Variants in ATAD2 observed in about 807,000 individuals in gnomAD.
ATAD2 encodes ATPase family AAA domain-containing protein 2.
ATAD2 carries 62 observed loss-of-function variants against 168.9 expected under a neutral mutation model. That is an observed-to-expected ratio of 0.37 (90% CI 0.30 to 0.45). The LOEUF (loss-of-function observed/expected upper bound fraction) is 0.45. Ranked by LOEUF, ATAD2 falls within the 20% of genes least tolerant of loss-of-function variation. The pLI is 1.00. For synonymous variants in ATAD2, 613 were observed against 571.6 expected, an observed-to-expected ratio of 1.07 and a Z score of -1.03; for missense variants, 1,419 against 1,667.8, an observed-to-expected ratio of 0.85 and a Z score of 2.60.
At chr8:123,377,400 C>T (rs182668755) in intron 2 of ATAD2, among the ~76,000 whole-genome samples, 9 of 152,172 alleles carry the variant, frequency 5.9e-5, no homozygotes, top group African/African-American at 2.2e-4. Context: ...TCCCTTAAGA[C>T]CTTTCTAACA....
At chr8:123,383,773 CAA>C (rs766321394) in intron 1 of ATAD2, among the ~76,000 whole-genome samples, 2 of 130,898 alleles carry the variant, frequency 1.5e-5, no homozygotes, top group Non-Finnish European at 1.6e-5. Flanking sequence ...AATTCAGTCT[CAA>C]AAAAAAAAAA....
intron 24 of ATAD2, among the ~76,000 whole-genome samples, chr8:123,329,341 A>AACT (rs1461393080): frequency 1.3e-5 from 2 of 152,010 alleles, no homozygotes; most frequent in African/African-American, 4.8e-5. Context: ...TACAACCCCA[A>AACT]ACTCCTGGGC....
chr8:123,384,596 G>A (rs28676769), intron 1 of ATAD2, among the ~76,000 whole-genome samples: 88 of 152,310 alleles, frequency 5.8e-4, no homozygotes, highest in African/African-American at 2.1e-3. Context: ...GAAAGCAAGA[G>A]TATGTAATAA....
intron 2 of ATAD2, among the ~76,000 whole-genome samples, chr8:123,379,976 T>TC (rs1283929258): frequency 6.6e-6 from 1 of 150,678 alleles, no homozygotes; most frequent in Non-Finnish European, 1.5e-5. Flanking sequence ...AACCTCCACC[T>TC]CCTGGGTTCA....
chr8:123,321,743 A>G (rs936468577), intron 27 of ATAD2, among the ~76,000 whole-genome samples: 2 of 151,866 alleles, frequency 1.3e-5, no homozygotes, highest in African/African-American at 4.8e-5. Context: ...GGACCATCCT[A>G]GGCAACATAG....
chr8:123,321,313 G>C (rs1177210713), intron 27 of ATAD2, 138 bp from the exon 28 acceptor site: 2 of 743,250 alleles, frequency 2.7e-6, no homozygotes, highest in Non-Finnish European at 4.2e-6. Context: ...TAAACATTCA[G>C]TTCAGTATTT....
chr8:123,337,966 C>T, intron 20 of ATAD2, 145 bp from the exon 21 acceptor site: 1 of 782,378 alleles, frequency 1.3e-6, no homozygotes, highest in Admixed American at 3.2e-5. Flanking sequence ...AAAAGTATTA[C>T]CATAATCTCT....
chr8:123,367,592 A>C (rs915857930), intron 8 of ATAD2, among the ~76,000 whole-genome samples: 1 of 152,118 alleles, frequency 6.6e-6, no homozygotes, highest in Non-Finnish European at 1.5e-5. Context: ...CCTTTTCTGA[A>C]GATCATTACA....
At chr8:123,362,948 T>C (rs1401808814) in intron 8 of ATAD2, among the ~76,000 whole-genome samples, 1 of 152,168 alleles carries the variant, frequency 6.6e-6, no homozygotes, top group African/African-American at 2.4e-5. Flanking sequence ...ATCAAATACT[T>C]AGGCTGGTTG....
intron 1 of ATAD2, among the ~76,000 whole-genome samples, chr8:123,405,361 A>T (rs953378606): frequency 6.7e-6 from 1 of 149,802 alleles, no homozygotes; most frequent in Non-Finnish European, 1.5e-5. Flanking sequence ...GGCTCAAGTG[A>T]TTCTTCTGCC....
chr8:123,330,465 C>T (rs1317839545), intron 24 of ATAD2, among the ~76,000 whole-genome samples: 1 of 152,072 alleles, frequency 6.6e-6, no homozygotes, highest in Non-Finnish European at 1.5e-5. Context: ...CCTGGTCTCA[C>T]GCCATTCTCC....
At chr8:123,337,401 G>C (rs1396890322) in intron 21 of ATAD2, among the ~76,000 whole-genome samples, 1 of 152,034 alleles carries the variant, frequency 6.6e-6, no homozygotes, top group Non-Finnish European at 1.5e-5. Context: ...AATTACTTCT[G>C]GAATGTTTAG....
chr8:123,351,826 C>A (rs1828473153), intron 13 of ATAD2, among the ~76,000 whole-genome samples: 2 of 151,068 alleles, frequency 1.3e-5, no homozygotes, highest in African/African-American at 4.9e-5. Context: ...CAGCTGACTG[C>A]AAGCTCCGCC....
intron 11 of ATAD2, 69 bp from the exon 12 acceptor site, chr8:123,357,805 AC>A: frequency 4.3e-6 from 6 of 1,390,252 alleles, no homozygotes; most frequent in Non-Finnish European, 5.8e-6. Flanking sequence ...AAAATTAGAA[AC>A]CAATTTCATG....
At chr8:123,346,010 TA>T (rs1828227834) in intron 18 of ATAD2, 75 bp downstream of exon 18, 1 of 1,194,462 alleles carries the variant, frequency 8.4e-7, no homozygotes, top group Non-Finnish European at 1.1e-6. Flanking sequence ...AAAAACACAA[TA>T]CAAAAAAATG....
At chr8:123,372,879 T>C (rs1489993000) in intron 2 of ATAD2, among the ~76,000 whole-genome samples, 193 bp from the exon 3 acceptor site, 1 of 149,774 alleles carries the variant, frequency 6.7e-6, no homozygotes, top group Non-Finnish European at 1.5e-5. Flanking sequence ...CACACCTCAC[T>C]ACATCCAGCT....
At chr8:123,392,727 T>C (rs1812638704) in intron 1 of ATAD2, among the ~76,000 whole-genome samples, 1 of 152,112 alleles carries the variant, frequency 6.6e-6, no homozygotes, top group Non-Finnish European at 1.5e-5. Flanking sequence ...GAAGCAGCTA[T>C]GCCAGTGTGG....
chr8:123,343,658 G>A (rs1410582062), intron 19 of ATAD2, among the ~76,000 whole-genome samples: 1 of 152,164 alleles, frequency 6.6e-6, no homozygotes. Flanking sequence ...CAATATGCTT[G>A]TTATGTGCTC....
chr8:123,411,358 G>A (rs1442275375), intron 1 of ATAD2, among the ~76,000 whole-genome samples: 1 of 151,924 alleles, frequency 6.6e-6, no homozygotes, highest in Non-Finnish European at 1.5e-5. Context: ...CCCCTACTAC[G>A]CCCCAATTCA....
Sources: allele counts gnomAD v4.1 joint callset (sites outside exome capture counted in the v4.1 genomes callset), GRCh38; gene constraint gnomAD v4.1.1; transcripts MANE v1.5; gene names NCBI Gene and HGNC (gene_info 2026-07-23, HGNC 2026-07-21).